The following PDE2A variants were observed in gnomAD, a reference collection of about 807,000 sequenced individuals.
PDE2A encodes cGMP-dependent 3',5'-cyclic phosphodiesterase.
A neutral mutation model predicts 133.6 loss-of-function variants in PDE2A; 53 were observed. The ratio of observed to expected loss-of-function variants is 0.40; its 90% CI spans 0.32 to 0.50. The LOEUF (loss-of-function observed/expected upper bound fraction) is 0.50, where lower values mean the gene tolerates loss of function less well. PDE2A is among the 20% of genes least tolerant of loss of function. The pLI is 0.73. For missense variants in PDE2A, 796 were observed against 1,232.4 expected (o/e 0.65, Z 5.30); for synonymous variants, 491 against 490.2 (o/e 1.00, Z -0.02).
chr11:72,596,014 G>A (rs975068406), intron 6 of PDE2A, among the ~76,000 whole-genome samples: 7 of 152,032 alleles, frequency 4.6e-5, no homozygotes, highest in African/African-American at 1.4e-4. Flanking sequence ...CCTGTCTTCC[G>A]CCCAGCCTCA....
chr11:72,638,115 A>T (rs999127416), intron 2 of PDE2A, among the ~76,000 whole-genome samples: 1 of 151,892 alleles, frequency 6.6e-6, no homozygotes, highest in African/African-American at 2.4e-5. Flanking sequence ...AGAGAGCAGC[A>T]TGGTGCTAGG....
chr11:72,619,285 C>T (rs1834917888), intron 2 of PDE2A, among the ~76,000 whole-genome samples: 1 of 152,182 alleles, frequency 6.6e-6, no homozygotes, highest in Non-Finnish European at 1.5e-5. Flanking sequence ...ATTCTGGATA[C>T]ACTCATCAGA....
chr11:72,579,539 G>A lies in PDE2A; in HGVS notation c.2251C>T (p.Arg751Trp), dbSNP rs1318860365. 10 of 1,439,382 alleles carry A rather than the reference G, an allele frequency of 6.9e-6. No individual in the cohort carries two copies. Among genetic ancestry groups the A allele is most frequent in the Admixed American group, 1.8e-5 (1 of 55,974 alleles). The allele number at this position is 1,439,382 out of a possible 1,614,324, so 89.2% of individuals were successfully genotyped here. A position where few individuals can be genotyped will look rare whatever the true frequency, so the allele number is the denominator to read the frequency against. Residue 751 changes from arginine (R) to tryptophan (W), a missense_variant, in exon 26 of 31, where the codon CGG (arginine) becomes TGG (tryptophan). Transcript: ENST00000334456. ...CCCACCCCCAACCCCATCACCTTCC[G>A]GGAGAAATGATCAAAGATGTTGCAG... is the stretch of plus-strand genomic sequence containing the variant. ...HGCNIFDHFS[R>W]KDYQRMLDLM...
chr11:72,642,305 G>C lies in PDE2A; in HGVS notation c.93C>G (p.Leu31=). The C allele has an allele frequency of 2.0e-6, 3 of 1,536,280 alleles. No homozygotes were observed. The South Asian group carries it at 3.7e-5, about 19-fold the overall frequency. ...PAEPRGQQVF[L]KPDEPPPPPQ... ...GCGGCGGCGGCGGCTCGTCCGGCTT[G>C]AGGAAGACCTGCTGGCCCCGCCTGA... The change falls in exon 2 of 31, where the codon CTC becomes CTG. Residue 31 remains leucine (L), a synonymous_variant. Coordinates refer to ENST00000334456, the MANE Select transcript of PDE2A (RefSeq NM_002599.5).
chr11:72,579,695 C>G (rs1282532984), intron 25 of PDE2A, 87 bp from the exon 26 acceptor site: 1 of 890,934 alleles, frequency 1.1e-6, no homozygotes, highest in Non-Finnish European at 1.8e-6. Flanking sequence ...GGGCCTCGTC[C>G]AGCTCCAGCC....
chr11:72,616,212 C>T (rs1013772251), intron 2 of PDE2A, among the ~76,000 whole-genome samples: 1 of 152,124 alleles, frequency 6.6e-6, no homozygotes, highest in African/African-American at 2.4e-5. Flanking sequence ...GGATGAATGA[C>T]GAATGAATGA....
At chr11:72,647,778 G>T (rs1436246139) in intron 1 of PDE2A, among the ~76,000 whole-genome samples, 1 of 152,218 alleles carries the variant, frequency 6.6e-6, no homozygotes, top group Non-Finnish European at 1.5e-5. Flanking sequence ...CTGTATGTGT[G>T]TGCATGTGTG....
rs34217943 is a variant in PDE2A, at chr11:72,664,364, A to AT, written c.71+9772dup. 7.3e-3 allele frequency among the ~76,000 whole-genome samples: 511 copies of AT among 70,068 alleles called. 42 individuals carry two copies. Among genetic ancestry groups the AT allele is most frequent in the African/African-American group, 0.014 (224 of 16,570 alleles). 46.0% of individuals were successfully genotyped at this position (70,068 alleles called of 152,430 possible). A position where few individuals can be genotyped will look rare whatever the true frequency, so the allele number is the denominator to read the frequency against. Reference sequence around the variant, plus strand: ...CAAAATAGGGCTAGCCCCTTGAAGGATTTTTTTTTTTTTTTTTTTTTTTTT... The same window carrying AT: ...CAAAATAGGGCTAGCCCCTTGAAGGATTTTTTTTTTTTTTTTTTTTTTTTTT... On this transcript the variant is annotated intron_variant, in intron 1 of 30. Transcript: ENST00000334456.
chr11:72,580,258 G>A (rs1684303408), intron 25 of PDE2A, among the ~76,000 whole-genome samples: 1 of 152,218 alleles, frequency 6.6e-6, no homozygotes, highest in Non-Finnish European at 1.5e-5. Context: ...GAGGAGGTAG[G>A]CAGACCCAAA....
Position 72,578,897 on chromosome 11 carries a change from C to A in PDE2A, c.2469G>T (p.Ala823=), listed in dbSNP as rs1263976937. ...CCTTCCCAGGGAGGACTACACCTAC[C>A]GCGATCTTTCTCGTAGTCTTCCAGC... is the stretch of plus-strand genomic sequence containing the variant. The part of the protein sequence containing the change: ...TKGWKTTRKI[A]ELIYKEFFSQ... Residue 823 remains alanine (A), a splice_region_variant and synonymous_variant, in exon 28 of 31, where the codon GCG becomes GCT. Transcript: ENST00000334456. This position sits in a 1 kb window ranked among gnomAD's most constrained non-coding sequence, Gnocchi z 4.2. 1 of 1,601,536 alleles carries A rather than the reference C, an allele frequency of 6.2e-7. No homozygotes were observed. Among genetic ancestry groups the A allele is most frequent in the African/African-American group, 1.3e-5 (1 of 74,670 alleles).
intron 6 of PDE2A, among the ~76,000 whole-genome samples, chr11:72,595,714 C>G (rs1047487519): frequency 6.6e-6 from 1 of 152,154 alleles, no homozygotes; most frequent in Non-Finnish European, 1.5e-5. Flanking sequence ...GCAGCCCCCT[C>G]GACAGAAGCA....
chr11:72,667,090 T>C (rs1400802114), intron 1 of PDE2A, among the ~76,000 whole-genome samples: 4 of 151,776 alleles, frequency 2.6e-5, no homozygotes, highest in Admixed American at 2.6e-4. Context: ...TGGGTGAGAG[T>C]GTGAGACCCT....
At chr11:72,671,496 G>A (rs956440941) in intron 1 of PDE2A, among the ~76,000 whole-genome samples, 4 of 146,590 alleles carry the variant, frequency 2.7e-5, no homozygotes, top group Admixed American at 6.7e-5. Context: ...CCCCACCCCC[G>A]CCCCCACCCC....
At chr11:72,658,079 G>A (rs1451367421) in intron 1 of PDE2A, 11 of 456,152 alleles carry the variant, frequency 2.4e-5, no homozygotes, top group Admixed American at 2.1e-4. Context: ...AAAACCTGCA[G>A]GGTCAGAATC....
At chr11:72,600,799 G>C (rs1202573131) in intron 4 of PDE2A, among the ~76,000 whole-genome samples, 1 of 152,096 alleles carries the variant, frequency 6.6e-6, no homozygotes, top group African/African-American at 2.4e-5. Flanking sequence ...TGACAGCACT[G>C]GGTGCCTGGG....
chr11:72,582,095 G>A (rs947734472), intron 21 of PDE2A, 148 bp from the exon 22 acceptor site: 32 of 668,970 alleles, frequency 4.8e-5, no homozygotes, highest in Middle Eastern at 3.5e-4. Context: ...TGAAGCAACC[G>A]TTCTCGGAGC....
intron 2 of PDE2A, among the ~76,000 whole-genome samples, chr11:72,632,138 TGGA>T (rs950013448): frequency 2.6e-5 from 4 of 152,156 alleles, no homozygotes; most frequent in African/African-American, 2.4e-5. Flanking sequence ...CAGTCTGGCA[TGGA>T]GGAGGTTCTG....
intron 4 of PDE2A, among the ~76,000 whole-genome samples, chr11:72,601,263 AGCCCTCATATCCTCACTGG>A (rs1346785857): frequency 1.1e-4 from 1 of 9,290 alleles, no homozygotes; most frequent in Non-Finnish European, 2.1e-4. Flanking sequence ...ACTCTCACTG[AGCCCTCATATCCTCACTGG>A]GCCCCCATCA....
At chr11:72,667,098 C>T (rs1855258299) in intron 1 of PDE2A, among the ~76,000 whole-genome samples, 1 of 152,054 alleles carries the variant, frequency 6.6e-6, no homozygotes, top group African/African-American at 2.4e-5. Context: ...AGTGTGAGAC[C>T]CTGTCTCAAA....
Sources: allele counts gnomAD v4.1 joint callset (sites outside exome capture counted in the v4.1 genomes callset), GRCh38; gene constraint gnomAD v4.1.1; non-coding constraint Gnocchi (gnomAD v3.1); transcripts MANE v1.5; gene names NCBI Gene and HGNC (gene_info 2026-07-23, HGNC 2026-07-21).